Variants in DAGLA observed in about 807,000 individuals in gnomAD.
The protein encoded by DAGLA is diacylglycerol lipase-alpha.
Under a neutral mutation model 102.6 loss-of-function variants are expected in DAGLA, and 22 were observed. The observed-to-expected ratio is 0.21, with a 90% CI of 0.15 to 0.31. The LOEUF is 0.31. Among genes scored for constraint, DAGLA ranks in the 10% least tolerant of loss-of-function variants. The pLI is 1.00. For missense variants in DAGLA, 927 were observed against 1,446.6 expected (o/e 0.64, Z 5.83); for synonymous variants, 578 against 628.9 (o/e 0.92, Z 1.21).
intron 1 of DAGLA, among the ~76,000 whole-genome samples, chr11:61,697,430 G>A (rs114555881): frequency 0.03 from 4,588 of 152,222 alleles, 236 homozygotes; most frequent in African/African-American, 0.1. Context: ...ATGGCCACAC[G>A]TGGCTGAGCC....
rs184216912 is a variant in DAGLA at position 61,699,049 on chromosome 11, A to G, written c.-45+18545A>G. ...CAGAGCAGAGAAAGCAGGACATGCT[A>G]TGCACCCTCAGAAAGACAGGGCCTC... is the stretch of plus-strand genomic sequence containing the variant. On this transcript the variant is annotated intron_variant, in intron 1 of 19. Transcript: ENST00000257215. Among the ~76,000 whole-genome samples the G allele has an allele frequency of 2.7e-3, 415 of 152,292 alleles. 2 individuals are homozygous for G. The highest frequency in any genetic ancestry group is 6.4e-3 in the South Asian group (31 of 4,826).
At chr11:61,692,011 C>T in intron 1 of DAGLA, among the ~76,000 whole-genome samples, 1 of 152,214 alleles carries the variant, frequency 6.6e-6, no homozygotes, top group Non-Finnish European at 1.5e-5. Flanking sequence ...TTTAGGCTGG[C>T]TGGGCCCAGA....
At chr11:61,706,471 G>C (rs905539257) in intron 1 of DAGLA, among the ~76,000 whole-genome samples, 1 of 152,146 alleles carries the variant, frequency 6.6e-6, no homozygotes, top group African/African-American at 2.4e-5. Flanking sequence ...TCAGTGTTGG[G>C]GTTTTATCTG....
Position 61,743,870 on chromosome 11 carries a change from G to C in DAGLA, c.2510G>C (p.Arg837Pro). 6.2e-7 allele frequency: 1 copy of C among 1,612,440 alleles called. No individual in the cohort carries two copies. Among genetic ancestry groups the C allele is most frequent in the Non-Finnish European group, 8.5e-7 (1 of 1,179,908 alleles). The change falls in exon 20 of 20, where the codon CGC becomes CCC. Residue 837 changes from arginine (R) to proline (P), a missense_variant. By Grantham distance (103) the Arg-to-Pro change is moderately radical (BLOSUM62 -2). This residue lies in a region of DAGLA where 434 missense variants were observed against 503.3 expected (regional missense o/e 0.86). Transcript: ENST00000257215. ...IPEENPSLSS[R>P]TELLAADSLS... ...GAGGAAAACCCATCCCTGAGCTCGC[G>C]CACTGAGCTGCTGGCGGCCGACAGC...
chr11:61,736,622 C>T (rs573549900), intron 13 of DAGLA, among the ~76,000 whole-genome samples: 2 of 152,340 alleles, frequency 1.3e-5, no homozygotes, highest in East Asian at 3.9e-4. Flanking sequence ...GCTTTTAAGC[C>T]TCATAGCTGC....
rs530598699 is a variant in DAGLA at position 61,712,101 on chromosome 11, G to A, written c.-44-8011G>A. Among the ~76,000 whole-genome samples the A allele has an allele frequency of 6.6e-5, 10 of 152,226 alleles. No individual in the cohort carries two copies. The East Asian group carries it at 1.7e-3, about 26-fold the overall frequency. ...CCAAGTCACTGGAGCTTCTCTTTCC[G>A]TCCTCCTCCCTGAACTCTGTGCCCA... On this transcript the variant is annotated intron_variant, in intron 1 of 19. Transcript: ENST00000257215.
chr11:61,714,824 C>T (rs1359015434), intron 1 of DAGLA, among the ~76,000 whole-genome samples: 1 of 152,196 alleles, frequency 6.6e-6, no homozygotes, highest in Non-Finnish European at 1.5e-5. Flanking sequence ...TGGATGGCAG[C>T]AGGAATGACC....
intron 19 of DAGLA, among the ~76,000 whole-genome samples, chr11:61,742,477 G>A (rs368757598): frequency 3.3e-5 from 5 of 152,240 alleles, no homozygotes; most frequent in Middle Eastern, 6.8e-3. Context: ...TGCACAACCC[G>A]ATGAAGAAGC....
At chr11:61,725,462 C>G (rs2065317326) in intron 5 of DAGLA, among the ~76,000 whole-genome samples, 1 of 152,142 alleles carries the variant, frequency 6.6e-6, no homozygotes, top group African/African-American at 2.4e-5. Flanking sequence ...TTACTCAGCC[C>G]CATAGATTTC....
intron 19 of DAGLA, among the ~76,000 whole-genome samples, chr11:61,743,113 T>C (rs922836653): frequency 1.3e-5 from 2 of 152,002 alleles, no homozygotes; most frequent in Non-Finnish European, 2.9e-5. Context: ...GCCTGTAATC[T>C]CAGCACTTTG....
chr11:61,737,173 G>A lies in DAGLA; in HGVS notation c.1372-9G>A, dbSNP rs770414726. The stretch of plus-strand genomic sequence containing the variant: ...GGGGCAGGGCTCTCAGGCTTCTCTC[G>A]GTCTCCAGGGCCGCGGAACCAAACA... On this transcript the variant is annotated splice_polypyrimidine_tract_variant and intron_variant, in intron 13 of 19. Transcript: ENST00000257215. 5.0e-6 allele frequency: 8 copies of A among 1,613,222 alleles called. No individual in the cohort carries two copies. The highest frequency in any genetic ancestry group is 3.3e-5 in the South Asian group (3 of 91,082).
intron 1 of DAGLA, among the ~76,000 whole-genome samples, chr11:61,711,873 C>T (rs2065196809): frequency 6.6e-6 from 1 of 152,192 alleles, no homozygotes; most frequent in Non-Finnish European, 1.5e-5. Flanking sequence ...ACTTATTTAG[C>T]CTCTCTGGGC....
rs1218469531 is a variant in DAGLA, at chr11:61,684,750, T to C, written c.-45+4246T>C. On this transcript the variant is annotated intron_variant, in intron 1 of 19. Transcript: ENST00000257215. The surrounding 1 kb of genome is among the most constrained non-coding windows in gnomAD (Gnocchi z 4.5). Reference sequence around the variant, plus strand: ...GTGGGAAGTGAGGGCGGAGGGGGTGTGGAGCGCCTGGTGGTGTGGGAGCGC... The same window carrying C: ...GTGGGAAGTGAGGGCGGAGGGGGTGCGGAGCGCCTGGTGGTGTGGGAGCGC... Among the ~76,000 whole-genome samples the C allele has an allele frequency of 1.3e-5, 2 of 151,962 alleles. No homozygotes were observed. The highest frequency in any genetic ancestry group is 3.9e-4 in the East Asian group (2 of 5,172).
intron 9 of DAGLA, among the ~76,000 whole-genome samples, chr11:61,733,066 T>C (rs1210811644): frequency 6.6e-6 from 1 of 152,226 alleles, no homozygotes; most frequent in Non-Finnish European, 1.5e-5. Context: ...GAACCTATTA[T>C]AGGCCAGACC....
At chr11:61,696,532 C>T (rs1193592469) in intron 1 of DAGLA, among the ~76,000 whole-genome samples, 3 of 130,412 alleles carry the variant, frequency 2.3e-5, no homozygotes, top group Non-Finnish European at 4.7e-5. Flanking sequence ...ATAGGGAAGC[C>T]ATTGATTCCC....
chr11:61,682,591 C>T lies in DAGLA; in HGVS notation c.-45+2087C>T, dbSNP rs913532817. ...CTTTGCTTGGGCAGCAGACGTGCCT[C>T]ATTGCCAGGGTAGGTCTGGGAGGTG... On this transcript the variant is annotated intron_variant, in intron 1 of 19. Transcript: ENST00000257215. Among the ~76,000 whole-genome samples, 7 of 152,302 alleles carry T rather than the reference C, an allele frequency of 4.6e-5. No individual in the cohort carries two copies. The South Asian group carries it at 1.5e-3, about 32-fold the overall frequency.
chr11:61,699,815 G>A (rs549289968), intron 1 of DAGLA, among the ~76,000 whole-genome samples: 301 of 152,358 alleles, frequency 2.0e-3, no homozygotes, highest in Middle Eastern at 3.4e-3. Context: ...ATAGGGCAGC[G>A]GGCCCACAGC....
chr11:61,717,280 C>T (rs1423829189), intron 1 of DAGLA, among the ~76,000 whole-genome samples: 1 of 152,164 alleles, frequency 6.6e-6, no homozygotes, highest in Non-Finnish European at 1.5e-5. Flanking sequence ...CATTCAAGGC[C>T]CTTAAAAATA....
intron 1 of DAGLA, among the ~76,000 whole-genome samples, chr11:61,703,773 A>G (rs1426876589): frequency 1.3e-5 from 2 of 152,208 alleles, no homozygotes; most frequent in African/African-American, 2.4e-5. Context: ...CATGAGGGTC[A>G]TAGGCAACAC....
Sources: allele counts gnomAD v4.1 joint callset (sites outside exome capture counted in the v4.1 genomes callset), GRCh38; gene constraint gnomAD v4.1.1; regional missense constraint gnomAD v4.1.1; non-coding constraint Gnocchi (gnomAD v3.1); transcripts MANE v1.5; gene names NCBI Gene and HGNC (gene_info 2026-07-23, HGNC 2026-07-21).